Variants in AGBL1 observed in about 807,000 individuals in gnomAD.
AGBL1 encodes AGBL carboxypeptidase 1.
A neutral mutation model predicts 118.9 loss-of-function variants in AGBL1; 130 were observed. The observed-to-expected ratio is 1.09, with a 90% confidence interval of 0.95 to 1.26. AGBL1 has a LOEUF of 1.26. Ranked by LOEUF, AGBL1 falls within the 50% of genes most tolerant of loss-of-function variation. The probability of loss-of-function intolerance (pLI) is 0.00; values close to 1 mark genes in which losing one functional copy is unlikely to be tolerated. For missense variants in AGBL1, 1,584 were observed against 1,298.1 expected (o/e 1.22, Z -3.38); for synonymous variants, 555 against 478.9 (o/e 1.16, Z -2.08).
intron 21 of AGBL1, among the ~76,000 whole-genome samples, chr15:86,653,437 G>A (rs1161024700): frequency 1.3e-5 from 2 of 152,092 alleles, no homozygotes; most frequent in East Asian, 1.9e-4. Context: ...TTTGCACTCA[G>A]GCAAATAAAC....
chr15:86,229,148 T>A (rs190643870), intron 6 of AGBL1, among the ~76,000 whole-genome samples: 98 of 152,320 alleles, frequency 6.4e-4, no homozygotes, highest in Non-Finnish European at 1.2e-3. Context: ...GCAGGAAATT[T>A]TTTAATATAA....
intron 22 of AGBL1, among the ~76,000 whole-genome samples, chr15:86,710,446 G>T (rs2086536710): frequency 6.6e-6 from 1 of 152,094 alleles, no homozygotes; most frequent in Non-Finnish European, 1.5e-5. Flanking sequence ...TATTTCCAAT[G>T]GAAAGATAAT....
chr15:86,926,259 C>T (rs1027373124), intron 23 of AGBL1, among the ~76,000 whole-genome samples: 6 of 152,172 alleles, frequency 3.9e-5, no homozygotes, highest in Non-Finnish European at 8.8e-5. Flanking sequence ...TGCCAACTTC[C>T]ATCTCCATGA....
At chr15:86,893,469 A>G (rs193162562) in intron 22 of AGBL1, among the ~76,000 whole-genome samples, 75 of 152,330 alleles carry the variant, frequency 4.9e-4, no homozygotes, top group African/African-American at 1.8e-3. Flanking sequence ...TCTTTTCCCA[A>G]CCAAGAAAAC....
rs759858779 is a variant in AGBL1, at chr15:86,186,100, T to C, written c.488+27074T>C. Among the ~76,000 whole-genome samples the C allele has an allele frequency of 1.1e-3, 167 of 152,284 alleles. No individual in the cohort carries two copies. In the Middle Eastern group the frequency reaches 0.017, roughly 16 times the overall value. On this transcript the variant is annotated intron_variant, in intron 5 of 22. Coordinates refer to ENST00000614907, the MANE Select transcript of AGBL1 (RefSeq NM_001386094.1). ...TCATTCAAATCTTTGGGAGAAGGTG[T>C]ATTTGCTGTCCCCCAAAATGGGTTT...
intron 23 of AGBL1, among the ~76,000 whole-genome samples, chr15:86,983,982 A>G (rs995888979): frequency 1.3e-5 from 2 of 152,136 alleles, no homozygotes; most frequent in African/African-American, 4.8e-5. Context: ...ATCCTAAAAT[A>G]TTTATATACA....
chr15:86,475,098 G>T (rs753511211), intron 18 of AGBL1, among the ~76,000 whole-genome samples: 1 of 150,938 alleles, frequency 6.6e-6, no homozygotes, highest in Non-Finnish European at 1.5e-5. Flanking sequence ...AAAGACCAAA[G>T]GCAGATAAAA....
Position 86,267,081 on chromosome 15 carries a change from G to A in AGBL1, c.1838+5G>A, listed in dbSNP as rs1276173398. 6.4e-6 allele frequency: 10 copies of A among 1,556,970 alleles called. No homozygotes were observed. Among genetic ancestry groups the A allele is most frequent in the Non-Finnish European group, 8.7e-6 (10 of 1,149,314 alleles). ...CAAAGCCATCCAAGTGCGTGAGTAA[G>A]TAAGGAAAACCACAGTGGGTGTCTC... On this transcript the variant is annotated splice_donor_5th_base_variant and intron_variant, in intron 13 of 22. Transcript: ENST00000614907.
intron 15 of AGBL1, among the ~76,000 whole-genome samples, chr15:86,274,277 A>G (rs2079209492): frequency 2.0e-5 from 3 of 152,224 alleles, no homozygotes; most frequent in Admixed American, 1.3e-4. Flanking sequence ...GGTAATTTTG[A>G]GAAATTTTGA....
intron 18 of AGBL1, among the ~76,000 whole-genome samples, chr15:86,483,525 C>G (rs1276799974): frequency 6.6e-6 from 1 of 152,112 alleles, no homozygotes; most frequent in African/African-American, 2.4e-5. Context: ...TCTGAGGTTT[C>G]TCTGCAGTTC....
In AGBL1 at chr15:86,522,956, T is replaced by C. The variant is rs2083209905; in HGVS notation, c.2685+17T>C. 1 of 1,612,158 alleles carries C rather than the reference T, an allele frequency of 6.2e-7. No individual in the cohort carries two copies. Among genetic ancestry groups the C allele is most frequent in the Non-Finnish European group, 8.5e-7 (1 of 1,178,212 alleles). On this transcript the variant is annotated intron_variant, in intron 19 of 22. Transcript: ENST00000614907. Reference sequence around the variant, plus strand: ...AGTCCCGTGGTGAGTCACTTCCTTCTGCCTCCACCTTCCTGGCTGCTTCCT... The same window carrying C: ...AGTCCCGTGGTGAGTCACTTCCTTCCGCCTCCACCTTCCTGGCTGCTTCCT...
At chr15:86,376,114 A>G (rs567717824) in intron 17 of AGBL1, among the ~76,000 whole-genome samples, 2 of 152,312 alleles carry the variant, frequency 1.3e-5, no homozygotes, top group Non-Finnish European at 2.9e-5. Context: ...AGAATATGGT[A>G]TGTGTTTTAA....
At chr15:86,671,969 C>T (rs1379839483) in intron 21 of AGBL1, among the ~76,000 whole-genome samples, 1 of 152,134 alleles carries the variant, frequency 6.6e-6, no homozygotes, top group African/African-American at 2.4e-5. Context: ...GAGAGGAGGT[C>T]ATCTACATAA....
At chr15:86,185,216 A>C (rs1040514219) in intron 5 of AGBL1, among the ~76,000 whole-genome samples, 3 of 152,212 alleles carry the variant, frequency 2.0e-5, no homozygotes, top group Non-Finnish European at 2.9e-5. Flanking sequence ...ATACCATCTC[A>C]CACCAGTTAG....
At chr15:86,989,934 A>G (rs900649418) in intron 24 of AGBL1, among the ~76,000 whole-genome samples, 3 of 152,190 alleles carry the variant, frequency 2.0e-5, no homozygotes, top group African/African-American at 7.2e-5. Flanking sequence ...GGCAAGTAAC[A>G]GTGTGAGTGG....
At chr15:86,179,706 G>A (rs2077527323) in intron 5 of AGBL1, among the ~76,000 whole-genome samples, 2 of 152,244 alleles carry the variant, frequency 1.3e-5, no homozygotes, top group South Asian at 2.1e-4. Flanking sequence ...TCTAGTCAGT[G>A]AAATAAGGCA....
At chr15:86,277,825 T>C (rs2079282322) in intron 15 of AGBL1, among the ~76,000 whole-genome samples, 1 of 152,226 alleles carries the variant, frequency 6.6e-6, no homozygotes, top group Non-Finnish European at 1.5e-5. Context: ...GCCTTTACAT[T>C]CATGAATACA....
At chr15:86,479,609 G>A (rs1413783105) in intron 18 of AGBL1, among the ~76,000 whole-genome samples, 2 of 152,174 alleles carry the variant, frequency 1.3e-5, no homozygotes, top group East Asian at 3.8e-4. Context: ...TGGAGAAATA[G>A]GAACACTTTT....
Position 86,174,634 on chromosome 15 carries a change from T to A in AGBL1, c.488+15608T>A, listed in dbSNP as rs1436881144. 2.0e-5 allele frequency among the ~76,000 whole-genome samples: 3 copies of A among 152,016 alleles called. No individual in the cohort carries two copies. In the East Asian group the frequency reaches 5.8e-4, roughly 29 times the overall value. ...TTCTTATGTTTTATTATGTTTCTTA[T>A]GTTTTATTATGTTTCTTATGTTTTA... On this transcript the variant is annotated intron_variant, in intron 5 of 22. Coordinates refer to ENST00000614907, the MANE Select transcript of AGBL1 (RefSeq NM_001386094.1).
Sources: gnomAD v4.1 joint callset for allele counts (sites outside exome capture counted in the v4.1 genomes callset) on GRCh38, gnomAD v4.1.1 for gene constraint, MANE v1.5 for transcripts, NCBI Gene and HGNC (gene_info 2026-07-23, HGNC 2026-07-21) for gene names.